Variants in DHDDS observed in about 807,000 individuals in gnomAD.
DHDDS encodes dehydrodolichyl diphosphate synthase subunit.
Under a neutral mutation model 46.2 loss-of-function variants are expected in DHDDS, and 16 were observed. That is an observed-to-expected ratio of 0.35 (90% CI 0.23 to 0.53). DHDDS has a LOEUF of 0.53. Among genes scored for constraint, DHDDS ranks in the 20% least tolerant of loss-of-function variants. The probability of loss-of-function intolerance (pLI) is 0.94; values close to 1 mark genes in which losing one functional copy is unlikely to be tolerated. For missense variants in DHDDS, 340 were observed against 423.7 expected (o/e 0.80, Z 1.73); for synonymous variants, 151 against 163.1 (o/e 0.93, Z 0.56).
chr1:26,458,912 T>C (rs1178601879), intron 7 of DHDDS, among the ~76,000 whole-genome samples: 1 of 152,104 alleles, frequency 6.6e-6, no homozygotes, highest in Admixed American at 6.6e-5. Context: ...CTTGAGGACT[T>C]ACTGGAAGAG....
rs1176720477 is a variant in DHDDS at position 26,447,620 on chromosome 1, G to C, written c.502G>C (p.Glu168Gln). The C allele has an allele frequency of 2.7e-5, 44 of 1,614,222 alleles. No homozygotes were observed. Among genetic ancestry groups the C allele is most frequent in the Non-Finnish European group, 3.6e-5 (42 of 1,180,040 alleles). ...SRHEISNAVR[E>Q]MAWGVEQGLL... Reference sequence around the variant, plus strand: ...TCATGAGATCAGCAATGCTGTGAGAGAGATGGCCTGGGGGGTGGAGCAAGG... The same window carrying C: ...TCATGAGATCAGCAATGCTGTGAGACAGATGGCCTGGGGGGTGGAGCAAGG... Residue 168 changes from glutamate (E) to glutamine (Q), a missense_variant, in exon 6 of 9, where the codon GAG (glutamate) becomes CAG (glutamine). Glu to Gln is a conservative substitution (Grantham distance 29, BLOSUM62 2). Transcript: ENST00000236342.
At chr1:26,433,740 C>A (rs868070660) in intron 2 of DHDDS, among the ~76,000 whole-genome samples, 2 of 148,442 alleles carry the variant, frequency 1.3e-5, no homozygotes, top group Non-Finnish European at 3.0e-5. Context: ...AATTCCTGTT[C>A]TTTTTTTTAT....
chr1:26,444,887 T>C (rs1399466964), intron 4 of DHDDS, among the ~76,000 whole-genome samples: 2 of 152,264 alleles, frequency 1.3e-5, no homozygotes, highest in African/African-American at 4.8e-5. Context: ...TCTTCTAGTA[T>C]ACTGCCTTCA....
Position 26,469,631 on chromosome 1 carries a change from A to C in DHDDS, c.*500A>C. 4.5e-6 allele frequency: 1 copy of C among 221,782 alleles called. No homozygotes were observed. The highest frequency in any genetic ancestry group is 6.6e-5 in the South Asian group (1 of 15,138). 13.7% of individuals were successfully genotyped at this position (221,782 alleles called of 1,614,324 possible). ...AAAAAAGGGGTGGGAGAGACAGAAAATTTGCCCATCTGCTGCTCCTCCCCC... is the reference window on the plus strand; with the variant it reads ...AAAAAAGGGGTGGGAGAGACAGAAACTTTGCCCATCTGCTGCTCCTCCCCC... On this transcript the variant is annotated 3_prime_UTR_variant, in exon 9 of 9. Transcript: ENST00000236342.
In DHDDS at chr1:26,442,826, G is replaced by T; in HGVS notation, c.276G>T (p.Gly92=). The change falls in exon 4 of 9, where the codon GGG becomes GGT. Residue 92 remains glycine (G), a synonymous_variant. Transcript: ENST00000236342. ...AACGCTCCAAGAGTGAGGTAGACGG[G>T]CTTATGGATCTGGCCCGGCAGAAGT... ...NFKRSKSEVD[G]LMDLARQKFS... 2 of 1,614,140 alleles carry T rather than the reference G, an allele frequency of 1.2e-6. No individual in the cohort carries two copies. The highest frequency in any genetic ancestry group is 1.7e-6 in the Non-Finnish European group (2 of 1,180,044).
rs1304335172 is a variant in DHDDS at position 26,470,108 on chromosome 1, T to C, written c.*977T>C. On this transcript the variant is annotated 3_prime_UTR_variant, in exon 9 of 9. Coordinates refer to ENST00000236342, the MANE Select transcript of DHDDS (RefSeq NM_205861.3). ...GATTTATTCTTGGCATGGCAAAGCT[T>C]GTTCTAGGTCCTCTGCTTGTGAGGG... 1.3e-5 allele frequency: 2 copies of C among 152,184 alleles called. No individual in the cohort carries two copies. Among genetic ancestry groups the C allele is most frequent in the Non-Finnish European group, 2.9e-5 (2 of 68,040 alleles). The allele number at this position is 152,184 out of a possible 1,614,324, so 9.4% of individuals were successfully genotyped here. A position where few individuals can be genotyped will look rare whatever the true frequency, so the allele number is the denominator to read the frequency against.
chr1:26,442,011 C>T (rs904687760), intron 3 of DHDDS, among the ~76,000 whole-genome samples: 1 of 152,034 alleles, frequency 6.6e-6, no homozygotes. Context: ...AGGCAACTAC[C>T]GTTCTGATTT....
rs182887017 is a variant in DHDDS, at chr1:26,465,493, G to C, written c.766-3402G>C. Among the ~76,000 whole-genome samples, 463 of 152,200 alleles carry C rather than the reference G, an allele frequency of 3.0e-3. 1 individual carries two copies. The highest frequency in any genetic ancestry group is 4.3e-3 in the Non-Finnish European group (293 of 68,002). ...TCAGACATTCATGACTTTGAATATTGGCACTGCCTACATAGCTATATGACT... is the reference window on the plus strand; with the variant it reads ...TCAGACATTCATGACTTTGAATATTCGCACTGCCTACATAGCTATATGACT... On this transcript the variant is annotated intron_variant, in intron 8 of 8. Transcript: ENST00000236342.
chr1:26,442,565 G>A, intron 3 of DHDDS, 166 bp from the exon 4 acceptor site: 1 of 779,584 alleles, frequency 1.3e-6, no homozygotes, highest in East Asian at 2.6e-5. Context: ...CTTATTTGAT[G>A]CATTAATTCT....
intron 8 of DHDDS, among the ~76,000 whole-genome samples, chr1:26,465,012 A>C (rs2075467907): frequency 6.6e-6 from 1 of 152,198 alleles, no homozygotes; most frequent in Admixed American, 6.5e-5. Context: ...AAAGGCTGGC[A>C]AAGGGAGATC....
chr1:26,432,482 TG>T (rs773753319), intron 1 of DHDDS, 106 bp downstream of exon 1: 1 of 198,946 alleles, frequency 5.0e-6, no homozygotes, highest in Non-Finnish European at 1.1e-5. Flanking sequence ...AGGAGACCAC[TG>T]AGGCGTGAAG....
intron 8 of DHDDS, among the ~76,000 whole-genome samples, chr1:26,468,065 C>A (rs2075510235): frequency 6.6e-6 from 1 of 152,226 alleles, no homozygotes. Flanking sequence ...AGTATGATCA[C>A]CACCTGGTGT....
chr1:26,451,759 A>G (rs1398701639), intron 6 of DHDDS, among the ~76,000 whole-genome samples: 1 of 151,696 alleles, frequency 6.6e-6, no homozygotes, highest in Admixed American at 6.6e-5. Flanking sequence ...CTCCTGAGTA[A>G]CTGGGACTAC....
intron 3 of DHDDS, among the ~76,000 whole-genome samples, chr1:26,441,677 C>T (rs1168067504): frequency 6.6e-6 from 1 of 151,950 alleles, no homozygotes; most frequent in African/African-American, 2.4e-5. Flanking sequence ...AGGCAATCAC[C>T]TGAGGTCAGG....
In DHDDS at chr1:26,471,206, G is replaced by A. The variant is rs1257692965; in HGVS notation, c.*2075G>A. The A allele has an allele frequency of 6.6e-6, 1 of 152,224 alleles. No homozygotes were observed. Among genetic ancestry groups the A allele is most frequent in the Non-Finnish European group, 1.5e-5 (1 of 68,046 alleles). 9.4% of individuals were successfully genotyped at this position (152,224 alleles called of 1,614,324 possible). ...CAAGAAATCAGATGGGACCAATTTA[G>A]TGTCCTTCCACCTGTGAGCCAAGCC... is the stretch of plus-strand genomic sequence containing the variant. On this transcript the variant is annotated 3_prime_UTR_variant, in exon 9 of 9. Transcript: ENST00000236342.
chr1:26,454,590 GT>G (rs964414389), intron 6 of DHDDS: 11,350 of 615,394 alleles, frequency 0.018, no homozygotes, highest in Middle Eastern at 0.024. Context: ...AATGGGCCCT[GT>G]TTTTTTTTTT....
rs1451080797 is a variant in DHDDS, at chr1:26,446,336, G to A, written c.344G>A (p.Gly115Glu). 1.2e-6 allele frequency: 2 copies of A among 1,613,990 alleles called. No homozygotes were observed. Among genetic ancestry groups the A allele is most frequent in the East Asian group, 4.5e-5 (2 of 44,878 alleles). Residue 115 changes from glycine (G) to glutamate (E), a missense_variant, in exon 5 of 9, where the codon GGG becomes GAG. Around this residue, in one of 2 missense-constraint regions of DHDDS, gnomAD observed 268 missense variants for 300.3 expected, o/e 0.89. Transcript: ENST00000236342. ...ATCAGGGAGAAACTGCAGAAGCATG[G>A]GGTGTGTATCCGGGTCCTGGGCGAT... is the stretch of plus-strand genomic sequence containing the variant. ...MEEKEKLQKH[G>E]VCIRVLGDLH... is the part of the protein sequence containing the mutation.
chr1:26,447,493 A>C, intron 5 of DHDDS, 66 bp from the exon 6 acceptor site: 2 of 1,298,730 alleles, frequency 1.5e-6, no homozygotes, highest in Non-Finnish European at 2.2e-6. Context: ...GCTTCTCTGT[A>C]ATCAGTGACT....
chr1:26,444,223 C>T (rs2075245316), intron 4 of DHDDS, among the ~76,000 whole-genome samples: 1 of 152,186 alleles, frequency 6.6e-6, no homozygotes, highest in Non-Finnish European at 1.5e-5. Flanking sequence ...CAAGAAGAAA[C>T]TCAGAGGTGC....
Sources: gnomAD v4.1 joint callset for allele counts (sites outside exome capture counted in the v4.1 genomes callset) on GRCh38, gnomAD v4.1.1 for gene constraint, gnomAD v4.1.1 regional missense constraint, MANE v1.5 for transcripts, NCBI Gene and HGNC (gene_info 2026-07-23, HGNC 2026-07-21) for gene names.